The following AGR3 variants were observed in gnomAD, a reference collection of about 807,000 sequenced individuals.
AGR3 encodes anterior gradient protein 3.
A neutral mutation model predicts 24.5 loss-of-function variants in AGR3; 37 were observed. That is an observed-to-expected ratio of 1.51 (90% CI 1.16 to 1.99). The LOEUF (loss-of-function observed/expected upper bound fraction) is 1.99, where lower values mean the gene tolerates loss of function less well. Among genes scored for constraint, AGR3 ranks in the 30% most tolerant of loss-of-function variants. The pLI, the probability that AGR3 is intolerant of heterozygous loss-of-function variation, is 0.00. For synonymous variants in AGR3, 75 were observed against 61.6 expected, an observed-to-expected ratio of 1.22 and a Z score of -1.02; for missense variants, 228 against 191.1, an observed-to-expected ratio of 1.19 and a Z score of -1.14.
At chr7:16,872,298 A>G (rs951600751) in intron 3 of AGR3, among the ~76,000 whole-genome samples, 3 of 152,186 alleles carry the variant, frequency 2.0e-5, no homozygotes, top group Non-Finnish European at 4.4e-5. Flanking sequence ...CCAGAAATAA[A>G]TCCACGTATT....
intron 3 of AGR3, chr7:16,864,331 A>G: frequency 7.3e-7 from 1 of 1,365,458 alleles, no homozygotes; most frequent in Non-Finnish European, 1.0e-6. Flanking sequence ...GGCTGAAAAG[A>G]GCTGAGGCTG....
chr7:16,880,499 T>TC, intron 1 of AGR3, among the ~76,000 whole-genome samples: 2 of 46,762 alleles, frequency 4.3e-5, no homozygotes, highest in East Asian at 4.5e-4. Flanking sequence ...TTTCCCCTCC[T>TC]TTCCCCTCCT....
At chr7:16,864,772 T>A in intron 3 of AGR3, 1 of 1,102,456 alleles carries the variant, frequency 9.1e-7, no homozygotes. Flanking sequence ...TCCTTGGCAA[T>A]GAGCATATCC....
intron 7 of AGR3, among the ~76,000 whole-genome samples, chr7:16,860,096 A>T (rs368169486): frequency 1.4e-4 from 11 of 76,708 alleles, no homozygotes; most frequent in Middle Eastern, 7.4e-3. Flanking sequence ...TCTCTACAAA[A>T]AAGAAAAAAA....
chr7:16,866,621 T>G lies in AGR3; in HGVS notation c.174-3959A>C, dbSNP rs373751060. On this transcript the variant is annotated intron_variant, in intron 3 of 7. Coordinates refer to ENST00000310398, the MANE Select transcript of AGR3 (RefSeq NM_176813.5). ...TTTTTGCTATTCTCACTAAAGCTGG[T>G]TATTAGTTTAAATTTTTTTTATCCA... Among the ~76,000 whole-genome samples, 51 of 151,822 alleles carry G rather than the reference T, an allele frequency of 3.4e-4. 2 individuals carry two copies. The East Asian group carries it at 7.5e-3, about 22-fold the overall frequency.
rs1258569814 is a variant in AGR3 at position 16,873,779 on chromosome 7, C to A, written c.173+1G>T. The A allele has an allele frequency of 1.2e-6, 2 of 1,608,238 alleles. No homozygotes were observed. The highest frequency in any genetic ancestry group is 3.3e-5 in the Admixed American group (2 of 59,964). ...AAAAAATGAGCTGAGAAGCATGTTA[C>A]CTTTTTTGAGCATAAAAGAGACCTT... is the stretch of plus-strand genomic sequence containing the variant. On this transcript the variant is annotated splice_donor_variant, in intron 3 of 7. Coordinates refer to ENST00000310398, the MANE Select transcript of AGR3 (RefSeq NM_176813.5). LOFTEE classifies it high-confidence loss of function.
intron 1 of AGR3, among the ~76,000 whole-genome samples, chr7:16,879,389 T>A (rs1212188715): frequency 6.6e-6 from 1 of 152,202 alleles, no homozygotes; most frequent in Non-Finnish European, 1.5e-5. Flanking sequence ...ACTTTGCACG[T>A]TAAGATAAAA....
At chr7:16,872,355 G>A (rs575508405) in intron 3 of AGR3, among the ~76,000 whole-genome samples, 5 of 152,286 alleles carry the variant, frequency 3.3e-5, no homozygotes, top group African/African-American at 9.6e-5. Flanking sequence ...ATGCATTGGG[G>A]AAAGGACACC....
At chr7:16,881,476 A>G (rs1269444114) in intron 1 of AGR3, among the ~76,000 whole-genome samples, 1 of 152,194 alleles carries the variant, frequency 6.6e-6, no homozygotes, top group Non-Finnish European at 1.5e-5. Context: ...ACACAGATAA[A>G]TGTGGCATGG....
At chr7:16,860,719 GA>G in intron 6 of AGR3, 136 bp from the exon 7 acceptor site, 1 of 620,332 alleles carries the variant, frequency 1.6e-6, no homozygotes, top group Non-Finnish European at 2.8e-6. Context: ...GTGTGATGCT[GA>G]AGTTTGGGCT....
intron 4 of AGR3, among the ~76,000 whole-genome samples, 175 bp downstream of exon 4, chr7:16,862,435 G>T (rs1043061926): frequency 2.0e-5 from 3 of 152,044 alleles, no homozygotes; most frequent in African/African-American, 7.2e-5. Flanking sequence ...CAGTAGATTG[G>T]TAACAATCAT....
At chr7:16,874,567 G>T (rs1781948939) in intron 2 of AGR3, among the ~76,000 whole-genome samples, 2 of 152,226 alleles carry the variant, frequency 1.3e-5, no homozygotes, top group African/African-American at 4.8e-5. Flanking sequence ...GTATTTTCAG[G>T]AAGTGTCTCA....
downstream of AGR3, among the ~76,000 whole-genome samples, chr7:16,857,218 T>A (rs904685632): frequency 6.6e-6 from 1 of 152,106 alleles, no homozygotes; most frequent in African/African-American, 2.4e-5. Context: ...TAAAACTGAT[T>A]ATGGAATATT....
intron 3 of AGR3, among the ~76,000 whole-genome samples, chr7:16,863,254 T>C (rs1781684404): frequency 6.6e-6 from 1 of 152,208 alleles, no homozygotes; most frequent in Non-Finnish European, 1.5e-5. Context: ...TTATGAACAA[T>C]GTATTCATTT....
chr7:16,865,153 CT>C, intron 3 of AGR3: 1 of 739,240 alleles, frequency 1.4e-6, no homozygotes, highest in Non-Finnish European at 2.4e-6. Context: ...CCACCAGTAG[CT>C]TGGACCTCTT....
At chr7:16,866,582 G>T (rs1400286294) in intron 3 of AGR3, among the ~76,000 whole-genome samples, 3 of 152,166 alleles carry the variant, frequency 2.0e-5, no homozygotes, top group Admixed American at 2.0e-4. Flanking sequence ...CTCTGGTAGT[G>T]TGAGCAGTAA....
In AGR3 at chr7:16,865,919, C is replaced by A. The variant is rs960740402; in HGVS notation, c.174-3257G>T. The stretch of plus-strand genomic sequence containing the variant: ...AGGACCTGTTATTAATAAAATAGAT[C>A]CATCCTGTTTTGGTTGCCTTTCTAA... On this transcript the variant is annotated intron_variant, in intron 3 of 7. Coordinates refer to ENST00000310398, the MANE Select transcript of AGR3 (RefSeq NM_176813.5). The A allele has an allele frequency of 1.1e-5, 8 of 707,078 alleles. No homozygotes were observed. In the African/African-American group the frequency reaches 1.4e-4, roughly 13 times the overall value. The allele number at this position is 707,078 out of a possible 1,614,324, so 43.8% of individuals were successfully genotyped here. A position where few individuals can be genotyped will look rare whatever the true frequency, so the allele number is the denominator to read the frequency against.
At chr7:16,859,669 A>T in intron 7 of AGR3, 38 bp from the exon 8 acceptor site, 3 of 1,309,554 alleles carry the variant, frequency 2.3e-6, no homozygotes, top group Non-Finnish European at 2.1e-6. Context: ...CTATTAATAA[A>T]TGAAAGTACA....
At chr7:16,874,198 T>A (rs562569090) in intron 2 of AGR3, among the ~76,000 whole-genome samples, 1 of 152,328 alleles carries the variant, frequency 6.6e-6, no homozygotes, top group East Asian at 1.9e-4. Flanking sequence ...TTGCATACTT[T>A]GTAATATTAT....
Sources: allele counts gnomAD v4.1 joint callset (sites outside exome capture counted in the v4.1 genomes callset), GRCh38; gene constraint gnomAD v4.1.1; transcripts MANE v1.5; gene names NCBI Gene and HGNC (gene_info 2026-07-23, HGNC 2026-07-21).